The following CNTNAP5 variants were observed in gnomAD, a reference collection of about 807,000 sequenced individuals.
CNTNAP5 encodes the protein contactin associated protein family member 5.
CNTNAP5 carries 72 observed loss-of-function variants against 150.2 expected under a neutral mutation model. The observed-to-expected ratio is 0.48, with a 90% confidence interval of 0.40 to 0.58. The LOEUF is 0.58. Among genes scored for constraint, CNTNAP5 ranks in the 20% least tolerant of loss-of-function variants. The pLI is 0.00. For missense variants in CNTNAP5, 1,636 were observed against 1,626.2 expected, an observed-to-expected ratio of 1.01 and a Z score of -0.10; for synonymous variants, 672 against 619.8, an observed-to-expected ratio of 1.08 and a Z score of -1.25.
At chr2:124,717,069 C>T (rs1490224877) in intron 13 of CNTNAP5, among the ~76,000 whole-genome samples, 2 of 152,106 alleles carry the variant, frequency 1.3e-5, no homozygotes, top group East Asian at 3.9e-4. Flanking sequence ...GGCCATGCTC[C>T]CACTATATAA....
intron 1 of CNTNAP5, among the ~76,000 whole-genome samples, chr2:124,112,177 T>C (rs1573761954): frequency 6.6e-6 from 1 of 152,352 alleles, no homozygotes; most frequent in East Asian, 1.9e-4. Flanking sequence ...ATTACCTTCC[T>C]GACTATTAAT....
chr2:124,025,589 A>C lies in CNTNAP5; in HGVS notation c.-62A>C. On this transcript the variant is annotated 5_prime_UTR_variant, in exon 1 of 24. Coordinates refer to ENST00000682447, the MANE Select transcript of CNTNAP5 (RefSeq NM_001367498.1). ...TGCAGAGGAGAGAGACAGCGAGAAG[A>C]AGCCGCGGCTGGCTACTGCGAATTT... 6.8e-7 allele frequency: 1 copy of C among 1,475,446 alleles called. No individual in the cohort carries two copies. Among genetic ancestry groups the C allele is most frequent in the South Asian group, 1.1e-5 (1 of 88,274 alleles). 91.4% of individuals were successfully genotyped at this position (1,475,446 alleles called of 1,614,324 possible).
chr2:124,698,155 C>A (rs1679444200), intron 13 of CNTNAP5, among the ~76,000 whole-genome samples: 1 of 151,984 alleles, frequency 6.6e-6, no homozygotes, highest in Admixed American at 6.6e-5. Flanking sequence ...TAAGGGAATT[C>A]CTTTCCTGCA....
chr2:124,676,765 A>T (rs1678948281), intron 13 of CNTNAP5, among the ~76,000 whole-genome samples: 1 of 152,222 alleles, frequency 6.6e-6, no homozygotes. Flanking sequence ...AAAGCACCAT[A>T]ATAAGCCTTG....
At chr2:124,684,129 G>T (rs1390188014) in intron 13 of CNTNAP5, among the ~76,000 whole-genome samples, 1 of 152,170 alleles carries the variant, frequency 6.6e-6, no homozygotes, top group Non-Finnish European at 1.5e-5. Flanking sequence ...ATCTGAGTTG[G>T]GGAAAGGAAG....
chr2:124,302,054 C>T (rs558495067), intron 3 of CNTNAP5, among the ~76,000 whole-genome samples: 6 of 152,196 alleles, frequency 3.9e-5, no homozygotes, highest in African/African-American at 1.4e-4. Context: ...AGAGGAAAGG[C>T]CTTGTGAGAA....
At chr2:124,736,471 A>G (rs942507140) in intron 13 of CNTNAP5, among the ~76,000 whole-genome samples, 1 of 152,264 alleles carries the variant, frequency 6.6e-6, no homozygotes, top group Middle Eastern at 3.4e-3. Context: ...TTTTATACTA[A>G]CCAGGTTCAA....
At chr2:124,912,546 G>A (rs951998048) in intron 23 of CNTNAP5, among the ~76,000 whole-genome samples, 3 of 152,054 alleles carry the variant, frequency 2.0e-5, no homozygotes, top group Non-Finnish European at 2.9e-5. Flanking sequence ...GGAAAACCAC[G>A]CCTTTCCTTA....
chr2:124,423,220 A>C (rs1310626399), intron 4 of CNTNAP5, among the ~76,000 whole-genome samples: 2 of 152,196 alleles, frequency 1.3e-5, no homozygotes, highest in African/African-American at 4.8e-5. Context: ...CAACCAAGTA[A>C]TTGTATGAAA....
chr2:124,701,551 A>T (rs1679521667), intron 13 of CNTNAP5, among the ~76,000 whole-genome samples: 1 of 152,106 alleles, frequency 6.6e-6, no homozygotes, highest in African/African-American at 2.4e-5. Flanking sequence ...TTGAATAGGG[A>T]TCACTAGGTT....
intron 1 of CNTNAP5, among the ~76,000 whole-genome samples, chr2:124,193,827 T>C (rs1210521575): frequency 6.6e-6 from 1 of 152,104 alleles, no homozygotes; most frequent in Non-Finnish European, 1.5e-5. Context: ...GGTAGATATG[T>C]ACCTTGGAGA....
Position 124,747,339 on chromosome 2 carries a change from C to T in CNTNAP5, c.2188C>T (p.Leu730=), listed in dbSNP as rs1680625786. ...QCECGLDESC[L]DIQHFCNCDA... Reference sequence around the variant, plus strand: ...TGAGTGTGGCCTAGACGAGAGCTGCCTGGACATTCAGCACTTTTGCAATTG... The same window carrying T: ...TGAGTGTGGCCTAGACGAGAGCTGCTTGGACATTCAGCACTTTTGCAATTG... Residue 730 remains leucine, a synonymous_variant, in exon 14 of 24, where the codon CTG becomes TTG. Coordinates refer to ENST00000682447, the MANE Select transcript of CNTNAP5 (RefSeq NM_001367498.1). 6.2e-7 allele frequency: 1 copy of T among 1,613,804 alleles called. No homozygotes were observed. The highest frequency in any genetic ancestry group is 8.5e-7 in the Non-Finnish European group (1 of 1,179,778).
At chr2:124,099,513 G>C (rs559337810) in intron 1 of CNTNAP5, among the ~76,000 whole-genome samples, 1 of 152,276 alleles carries the variant, frequency 6.6e-6, no homozygotes, top group Admixed American at 6.5e-5. Context: ...ATCAGACCCT[G>C]GGTATGGCAC....
chr2:124,417,345 G>GT (rs1691944748), intron 3 of CNTNAP5, 98 bp from the exon 4 acceptor site: 2 of 1,197,068 alleles, frequency 1.7e-6, no homozygotes, highest in Admixed American at 2.3e-5. Flanking sequence ...GAGAAATTAG[G>GT]TATGTTCTCA....
chr2:124,336,985 C>A (rs1689489177), intron 3 of CNTNAP5, among the ~76,000 whole-genome samples: 1 of 152,186 alleles, frequency 6.6e-6, no homozygotes, highest in African/African-American at 2.4e-5. Context: ...GTTTACAGTC[C>A]CACCAACAGT....
intron 11 of CNTNAP5, among the ~76,000 whole-genome samples, chr2:124,587,330 A>G (rs753475345): frequency 3.9e-5 from 6 of 152,230 alleles, no homozygotes; most frequent in Non-Finnish European, 7.3e-5. Context: ...GATTACAATG[A>G]CAGATGCATT....
At chr2:124,374,468 G>A (rs935122977) in intron 3 of CNTNAP5, among the ~76,000 whole-genome samples, 4 of 152,062 alleles carry the variant, frequency 2.6e-5, no homozygotes, top group Admixed American at 6.6e-5. Flanking sequence ...TGAGTACTAA[G>A]AGAAGAAGTC....
intron 13 of CNTNAP5, among the ~76,000 whole-genome samples, chr2:124,677,956 C>T (rs566874957): frequency 6.6e-6 from 1 of 152,056 alleles, no homozygotes; most frequent in South Asian, 2.1e-4. Flanking sequence ...GCTGACCTGG[C>T]TAAAAACACC....
intron 13 of CNTNAP5, among the ~76,000 whole-genome samples, chr2:124,661,335 C>T (rs1184291831): frequency 6.6e-6 from 1 of 151,938 alleles, no homozygotes; most frequent in African/African-American, 2.4e-5. Context: ...TATTTTTAAT[C>T]TTTTAATCTT....
Sources: allele counts gnomAD v4.1 joint callset (sites outside exome capture counted in the v4.1 genomes callset), GRCh38; gene constraint gnomAD v4.1.1; transcripts MANE v1.5; gene names NCBI Gene and HGNC (gene_info 2026-07-23, HGNC 2026-07-21).